PPP1R13L: variants seen among roughly 807,000 people sequenced by gnomAD.
PPP1R13L encodes the protein protein phosphatase 1 regulatory subunit 13 like.
In PPP1R13L, 50 loss-of-function variants were observed where a neutral mutation model predicts 80.9. The ratio of observed to expected loss-of-function variants is 0.62; its 90% CI spans 0.49 to 0.78. The LOEUF is 0.78. Ranked by LOEUF, PPP1R13L falls within the 30% of genes least tolerant of loss-of-function variation. The probability of loss-of-function intolerance (pLI) is 0.00; values close to 1 mark genes in which losing one functional copy is unlikely to be tolerated. For missense variants in PPP1R13L, 1,200 were observed against 1,205.9 expected (o/e 1.00, Z 0.07); for synonymous variants, 602 against 534.3 (o/e 1.13, Z -1.75).
intron 3 of PPP1R13L, among the ~76,000 whole-genome samples, chr19:45,397,371 T>C (rs1973126136): frequency 6.9e-6 from 1 of 145,802 alleles, no homozygotes; most frequent in African/African-American, 2.8e-5. Context: ...TTTCTTTCTC[T>C]CTCTTTCTTT....
chr19:45,390,841 C>G (rs1302799942), intron 8 of PPP1R13L, among the ~76,000 whole-genome samples: 1 of 152,128 alleles, frequency 6.6e-6, no homozygotes, highest in African/African-American at 2.4e-5. Flanking sequence ...ACCTCGGCCT[C>G]CCAAAGTGCT....
chr19:45,382,490 T>G (rs752436875), intron 12 of PPP1R13L, 37 bp downstream of exon 12: 2 of 1,591,742 alleles, frequency 1.3e-6, no homozygotes, highest in Admixed American at 1.7e-5. Flanking sequence ...AACCCCCAAC[T>G]GTCGGGAGGT....
At position 45,380,193 on chromosome 19, in the gene PPP1R13L, G is replaced by A; in HGVS notation, c.2484C>T (p.Val828=). ...FPRVKPQRSK[V] is the part of the protein sequence containing the mutation. Reference sequence around the variant, plus strand: ...TCAGAAACCTCCTTCTATCCTGCTAGACTTTACTCCTTTGAGGCTTCACCC... The same window carrying A: ...TCAGAAACCTCCTTCTATCCTGCTAAACTTTACTCCTTTGAGGCTTCACCC... Residue 828 remains valine (V), a synonymous_variant, in exon 13 of 13, where the codon GTC becomes GTT. Transcript: ENST00000360957. The A allele has an allele frequency of 6.2e-7, 1 of 1,614,082 alleles. No homozygotes were observed. The highest frequency in any genetic ancestry group is 1.1e-5 in the South Asian group (1 of 91,076).
At chr19:45,398,458 C>A in intron 1 of PPP1R13L, 119 bp from the exon 2 acceptor site, 1 of 966,816 alleles carries the variant, frequency 1.0e-6, no homozygotes, top group Non-Finnish European at 1.5e-6. Flanking sequence ...CCCCTGGAAG[C>A]CCTTTACCCT....
rs1214170094 is a variant in PPP1R13L at position 45,386,107 on chromosome 19, A to T, written c.1889T>A (p.Leu630His). 5.7e-6 allele frequency: 9 copies of T among 1,575,290 alleles called. No homozygotes were observed. Among genetic ancestry groups the T allele is most frequent in the Non-Finnish European group, 6.9e-6 (8 of 1,167,000 alleles). The stretch of plus-strand genomic sequence containing the variant: ...CCCGGTCAGCGCCGCGTCCAGGAGG[A>T]GCACCAGAGGGTTGAGGCGCGCGCG... ...ARRARLNPLVLLLDAALTGEL... is the reference protein window; with the variant it reads ...ARRARLNPLVHLLDAALTGEL... The change falls in exon 9 of 13, where the codon CTC becomes CAC. Residue 630 changes from leucine to histidine, a missense_variant. Leu to His is a moderately conservative substitution (Grantham distance 99). Transcript: ENST00000360957.
In PPP1R13L at chr19:45,396,813, G is replaced by C; in HGVS notation, c.444C>G (p.Gly148=). Residue 148 remains glycine (G), a synonymous_variant, in exon 4 of 13, where the codon GGC becomes GGG. Transcript: ENST00000360957. The surrounding 1 kb of genome is among the most constrained non-coding windows in gnomAD (Gnocchi z 5.3). ...GCGCACGGCCGAGGGAGCTGCCTGC[G>C]CCATCGAAGGCGCGGGGCCGGGGCG... The part of the protein sequence containing the change: ...ATSPRPRAFD[G]AGSSLGRAPS... 7.0e-7 allele frequency: 1 copy of C among 1,438,272 alleles called. No individual in the cohort carries two copies. Among genetic ancestry groups the C allele is most frequent in the African/African-American group, 1.5e-5 (1 of 67,660 alleles). 89.1% of individuals were successfully genotyped at this position (1,438,272 alleles called of 1,614,324 possible).
At chr19:45,402,064 C>T (rs1408637644) in intron 1 of PPP1R13L, 1 of 152,146 alleles carries the variant, frequency 6.6e-6, no homozygotes, top group Non-Finnish European at 1.5e-5. Context: ...AAGAATCCAC[C>T]TGGTCAGAAG....
chr19:45,398,027 G>A lies in PPP1R13L; in HGVS notation c.176C>T (p.Pro59Leu), dbSNP rs1340761762. ...TACCCTAGAAGGGGGTCCGGCCTGC[G>A]GGCCAGGAGGCGCGGGAGAGTCTGA... ...LWSDSPAPPG[P>L]QAGPPSRPPR... Residue 59 changes from proline (P) to leucine (L), a missense_variant, in exon 3 of 13, where the codon CCG (proline) becomes CTG (leucine). Pro to Leu is a moderately conservative substitution (Grantham distance 98). Coordinates refer to ENST00000360957, the MANE Select transcript of PPP1R13L (RefSeq NM_006663.4). 6.2e-7 allele frequency: 1 copy of A among 1,613,080 alleles called. No individual in the cohort carries two copies. The highest frequency in any genetic ancestry group is 8.5e-7 in the Non-Finnish European group (1 of 1,179,322).
upstream of PPP1R13L, chr19:45,405,108 T>C: frequency 9.3e-6 from 9 of 963,490 alleles, no homozygotes; most frequent in Non-Finnish European, 1.1e-5. Flanking sequence ...CGACGTGACT[T>C]GGGCTGGAGG....
intron 1 of PPP1R13L, among the ~76,000 whole-genome samples, chr19:45,404,597 C>T (rs1973293267): frequency 6.6e-6 from 1 of 152,158 alleles, no homozygotes; most frequent in African/African-American, 2.4e-5. Flanking sequence ...GAAGATCGGT[C>T]GAGACAGCAG....
At chr19:45,382,954 C>A (rs375039430) in intron 11 of PPP1R13L, among the ~76,000 whole-genome samples, 15 of 151,884 alleles carry the variant, frequency 9.9e-5, no homozygotes, top group African/African-American at 3.6e-4. Context: ...AGTGGGCCAC[C>A]CACTCCCGAG....
chr19:45,382,992 C>CCTTCT (rs1972794261), intron 11 of PPP1R13L, among the ~76,000 whole-genome samples: 1 of 88,634 alleles, frequency 1.1e-5, no homozygotes, highest in Non-Finnish European at 2.1e-5. Flanking sequence ...CATTTCTTTT[C>CCTTCT]TTTCTTTTTT....
chr19:45,396,792 A>C lies in PPP1R13L; in HGVS notation c.465T>G (p.Arg155=). The part of the protein sequence containing the change: ...AFDGAGSSLG[R]APSPRPGPGP... ...CTGGCCCGGGCCGCGGGGAGGGCGC[A>C]CGGCCGAGGGAGCTGCCTGCGCCAT... Residue 155 remains arginine (R), a synonymous_variant, in exon 4 of 13, where the codon CGT becomes CGG. Coordinates refer to ENST00000360957, the MANE Select transcript of PPP1R13L (RefSeq NM_006663.4). The surrounding 1 kb of genome is among the most constrained non-coding windows in gnomAD (Gnocchi z 5.3). 7.3e-7 allele frequency: 1 copy of C among 1,376,816 alleles called. No homozygotes were observed. The highest frequency in any genetic ancestry group is 9.3e-7 in the Non-Finnish European group (1 of 1,075,118). 85.3% of individuals were successfully genotyped at this position (1,376,816 alleles called of 1,614,324 possible). A position where few individuals can be genotyped will look rare whatever the true frequency, so the allele number is the denominator to read the frequency against.
chr19:45,397,500 T>TTCTTTCTTTCTTTCTC (rs1973135586), intron 3 of PPP1R13L, among the ~76,000 whole-genome samples: 1 of 144,808 alleles, frequency 6.9e-6, no homozygotes, highest in Non-Finnish European at 1.5e-5. Flanking sequence ...CTTTCTTTCT[T>TTCTTTCTTTCTTTCTC]TCTTTCTTTC....
chr19:45,388,886 C>A (rs575887062), intron 8 of PPP1R13L, among the ~76,000 whole-genome samples: 45 of 151,828 alleles, frequency 3.0e-4, no homozygotes, highest in African/African-American at 1.1e-3. Context: ...TACAGGCATG[C>A]ACCACCAGGC....
chr19:45,405,565 G>T (rs1052234544), upstream of PPP1R13L, among the ~76,000 whole-genome samples: 10 of 152,244 alleles, frequency 6.6e-5, no homozygotes, highest in African/African-American at 2.2e-4. Context: ...TAGTCCTGGA[G>T]CCCGCAGGGG....
rs1434112002 is a variant in PPP1R13L at position 45,385,649 on chromosome 19, C to A, written c.2161G>T (p.Ala721Ser). 4 of 1,613,190 alleles carry A rather than the reference C, an allele frequency of 2.5e-6. No homozygotes were observed. Among genetic ancestry groups the A allele is most frequent in the Non-Finnish European group, 2.5e-6 (3 of 1,179,896 alleles). ...GTGGCGCCGTCGCTGAGCGTGGTGG[C>A]GAAGATTGCAGCGCCGTGCTGCACC... ...ALVQHGAAIF[A>S]TTLSDGATAF... The change falls in exon 11 of 13, where the codon GCC becomes TCC. Residue 721 changes from alanine (A) to serine (S), a missense_variant. Coordinates refer to ENST00000360957, the MANE Select transcript of PPP1R13L (RefSeq NM_006663.4).
Position 45,395,815 on chromosome 19 carries a change from G to T in PPP1R13L, c.975C>A (p.Asp325Glu), listed in dbSNP as rs756056052. The change falls in exon 7 of 13, where the codon GAC becomes GAA. Residue 325 changes from aspartate to glutamate, a missense_variant. This residue lies in a region of PPP1R13L where 764 missense variants were observed against 714.5 expected (regional missense o/e 1.07). Transcript: ENST00000360957. ...CCAGCGAGCGCCGGTAGCTGCCCGC[G>T]TCTGAACGCCGGTCGCTGGCCAGAG... ...VSPLASDRRSDAGSYRRSLGS... is the reference protein window; with the variant it reads ...VSPLASDRRSEAGSYRRSLGS... 6.3e-7 allele frequency: 1 copy of T among 1,591,500 alleles called. No homozygotes were observed. Among genetic ancestry groups the T allele is most frequent in the Non-Finnish European group, 8.5e-7 (1 of 1,171,264 alleles).
chr19:45,403,627 A>G (rs1365647749), intron 1 of PPP1R13L, among the ~76,000 whole-genome samples: 1 of 152,190 alleles, frequency 6.6e-6, no homozygotes, highest in Non-Finnish European at 1.5e-5. Context: ...TCAGTCACCC[A>G]AGATTCCTCT....
Sources: allele counts gnomAD v4.1 joint callset (sites outside exome capture counted in the v4.1 genomes callset), GRCh38; gene constraint gnomAD v4.1.1; regional missense constraint gnomAD v4.1.1; non-coding constraint Gnocchi (gnomAD v3.1); transcripts MANE v1.5; gene names NCBI Gene and HGNC (gene_info 2026-07-23, HGNC 2026-07-21).